The following PATL2 variants were observed in gnomAD, a reference collection of about 807,000 sequenced individuals.
PATL2 encodes the protein PAT1 homolog 2.
A neutral mutation model predicts 77.0 loss-of-function variants in PATL2; 73 were observed. The ratio of observed to expected loss-of-function variants is 0.95; its 90% CI spans 0.78 to 1.15. The LOEUF (loss-of-function observed/expected upper bound fraction) is 1.15. Among genes scored for constraint, PATL2 ranks in the 50% most tolerant of loss-of-function variants. The pLI is 0.00. For synonymous variants in PATL2, 265 were observed against 257.1 expected, an observed-to-expected ratio of 1.03 and a Z score of -0.29; for missense variants, 618 against 655.4, an observed-to-expected ratio of 0.94 and a Z score of 0.62.
intron 9 of PATL2, among the ~76,000 whole-genome samples, chr15:44,671,488 C>CAAA (rs571777244): frequency 9.3e-6 from 1 of 106,990 alleles, no homozygotes; most frequent in Admixed American, 1.0e-4. Flanking sequence ...GACTCTGTCT[C>CAAA]AAAAAAAAAA....
intron 3 of PATL2, among the ~76,000 whole-genome samples, chr15:44,683,273 A>T (rs1391994568): frequency 6.6e-6 from 1 of 152,058 alleles, no homozygotes; most frequent in Non-Finnish European, 1.5e-5. Context: ...TGCTGAAGCC[A>T]GGGAGCCAAG....
chr15:44,690,291 A>T (rs1048708751), intron 3 of PATL2, among the ~76,000 whole-genome samples: 2 of 152,204 alleles, frequency 1.3e-5, no homozygotes, highest in Non-Finnish European at 2.9e-5. Context: ...CTACAAAAAA[A>T]TTTAAGATTG....
At chr15:44,670,162 T>C in intron 9 of PATL2, 75 bp from the exon 10 acceptor site, 1 of 1,519,766 alleles carries the variant, frequency 6.6e-7, no homozygotes. Flanking sequence ...ATTAAGTTTC[T>C]CAAGTGCAGC....
At chr15:44,696,397 G>T (rs2086503131) in intron 3 of PATL2, among the ~76,000 whole-genome samples, 1 of 152,170 alleles carries the variant, frequency 6.6e-6, no homozygotes. Flanking sequence ...TTATAATTAA[G>T]GATGAATAAT....
At chr15:44,672,214 G>T (rs1424336414) in intron 8 of PATL2, 58 bp from the exon 9 acceptor site, 2 of 1,550,872 alleles carry the variant, frequency 1.3e-6, no homozygotes, top group Non-Finnish European at 1.7e-6. Flanking sequence ...TTCCTAAGGA[G>T]TGTGGTGAGC....
chr15:44,696,964 T>C (rs374483302), intron 3 of PATL2, among the ~76,000 whole-genome samples: 10 of 152,326 alleles, frequency 6.6e-5, no homozygotes, highest in African/African-American at 2.2e-4. Flanking sequence ...AACCAAAATT[T>C]GCTGAATTTA....
chr15:44,666,398 C>T lies in PATL2; in HGVS notation c.1607G>A (p.Arg536Lys), dbSNP rs1160702699. 22 of 1,551,562 alleles carry T rather than the reference C, an allele frequency of 1.4e-5. No individual in the cohort carries two copies. The highest frequency in any genetic ancestry group is 5.2e-6 in the Non-Finnish European group (6 of 1,146,994). Residue 536 changes from arginine to lysine, a missense_variant, in exon 17 of 18, where the codon AGG becomes AAG. Coordinates refer to ENST00000682850, the MANE Select transcript of PATL2 (RefSeq NM_001387263.1). Reference protein sequence around the residue: ...DKQLVQQLEARMEFAWIY With the variant: ...DKQLVQQLEAKMEFAWIY ...TGTTTCTGCCATTACTTACTCCATC[C>T]TGGCCTCCAGCTGCTGAACCAATTG...
At chr15:44,706,524 A>G (rs752083461) in intron 3 of PATL2, among the ~76,000 whole-genome samples, 1 of 152,236 alleles carries the variant, frequency 6.6e-6, no homozygotes, top group East Asian at 1.9e-4. Flanking sequence ...AGGCACTGCC[A>G]TGGTGGTCTT....
In PATL2 at chr15:44,669,383, C is replaced by A; in HGVS notation, c.961G>T (p.Gly321Cys). Reference protein sequence around the residue: ...MFLQLLEIEEGWKYRPPPPCF... With the variant: ...MFLQLLEIEECWKYRPPPPCF... Reference sequence around the variant, plus strand: ...GGCGGTGGAGGCCTATACTTCCAGCCTTCCTCTATTTCTAGTAACTGAAGG... The same window carrying A: ...GGCGGTGGAGGCCTATACTTCCAGCATTCCTCTATTTCTAGTAACTGAAGG... The change falls in exon 13 of 18, where the codon GGC (glycine) becomes TGC (cysteine). Residue 321 changes from glycine (G) to cysteine (C), a missense_variant. Gly to Cys is a radical substitution (Grantham distance 159). Coordinates refer to ENST00000682850, the MANE Select transcript of PATL2 (RefSeq NM_001387263.1). 1 of 1,551,494 alleles carries A rather than the reference C, an allele frequency of 6.4e-7. No homozygotes were observed. The highest frequency in any genetic ancestry group is 8.7e-7 in the Non-Finnish European group (1 of 1,146,816).
In PATL2 at chr15:44,673,242, TAGGGGGCCACGA is replaced by T. The variant is rs1566854051; in HGVS notation, c.427_438del (p.Ser143_Pro146del). The T allele has an allele frequency of 6.4e-7, 1 of 1,551,322 alleles. No individual in the cohort carries two copies. Among genetic ancestry groups the T allele is most frequent in the Middle Eastern group, 1.7e-4 (1 of 5,870 alleles). ...AGAACCTCAAACCAGTACCTGAACC[TAGGGGGCCACGA>T]GGTCAGCAGGCTGCAGAAGAGAGTT... is the stretch of plus-strand genomic sequence containing the variant. On this transcript the variant is annotated inframe_deletion, in exon 7 of 18. Transcript: ENST00000682850.
At chr15:44,703,499 T>C (rs1055187872) in intron 3 of PATL2, among the ~76,000 whole-genome samples, 19 of 152,024 alleles carry the variant, frequency 1.2e-4, no homozygotes, top group African/African-American at 4.6e-4. Flanking sequence ...ACAATTGTTA[T>C]ATACTCTGGC....
chr15:44,671,477 A>G (rs1158085458), intron 9 of PATL2, among the ~76,000 whole-genome samples: 1 of 151,466 alleles, frequency 6.6e-6, no homozygotes, highest in African/African-American at 2.4e-5. Flanking sequence ...TGACAGAGGG[A>G]GACTCTGTCT....
At chr15:44,672,501 G>C in intron 7 of PATL2, 45 bp from the exon 8 acceptor site, 1 of 1,505,100 alleles carries the variant, frequency 6.6e-7, no homozygotes, top group Non-Finnish European at 9.0e-7. Context: ...GAAGCTCTCA[G>C]TTCTCTGCCC....
rs1358336463 is a variant in PATL2 at position 44,665,797 on chromosome 15, A to G, written c.*156T>C. The stretch of plus-strand genomic sequence containing the variant: ...TCTTATTTTTAGGCACATCATTTAG[A>G]TTTTTGAAGAAAGGATATGAAAATG... On this transcript the variant is annotated 3_prime_UTR_variant, in exon 18 of 18. Transcript: ENST00000682850. 1.9e-5 allele frequency: 29 copies of G among 1,512,356 alleles called. No homozygotes were observed. In the East Asian group the frequency reaches 6.7e-4, roughly 35 times the overall value. The allele number at this position is 1,512,356 out of a possible 1,614,324, so 93.7% of individuals were successfully genotyped here.
At chr15:44,675,867 C>G (rs1011236013) in intron 4 of PATL2, 176 bp from the exon 5 acceptor site, 2 of 596,100 alleles carry the variant, frequency 3.4e-6, no homozygotes, top group East Asian at 2.9e-5. Flanking sequence ...CAAGGTGCCC[C>G]GAACCATCCC....
chr15:44,672,904 C>T (rs146256580), intron 7 of PATL2, among the ~76,000 whole-genome samples: 22 of 152,186 alleles, frequency 1.4e-4, no homozygotes, highest in Non-Finnish European at 2.1e-4. Context: ...GGATTACAGG[C>T]GCTCGCCACC....
At chr15:44,694,565 G>A (rs535928902) in intron 3 of PATL2, among the ~76,000 whole-genome samples, 10 of 152,094 alleles carry the variant, frequency 6.6e-5, no homozygotes, top group South Asian at 4.1e-4. Context: ...GGCATGAGAC[G>A]ACAAACCCTG....
chr15:44,667,669 G>A (rs1703128227), intron 15 of PATL2, among the ~76,000 whole-genome samples: 1 of 152,172 alleles, frequency 6.6e-6, no homozygotes, highest in African/African-American at 2.4e-5. Context: ...TTGGCTGGGC[G>A]CAGTGGCTCA....
intron 3 of PATL2, among the ~76,000 whole-genome samples, chr15:44,691,588 G>T (rs996570462): frequency 8.6e-5 from 13 of 151,808 alleles, no homozygotes; most frequent in African/African-American, 3.1e-4. Context: ...AACTCAGGAG[G>T]TGGAGGTTGC....
Sources: allele counts gnomAD v4.1 joint callset (sites outside exome capture counted in the v4.1 genomes callset), GRCh38; gene constraint gnomAD v4.1.1; transcripts MANE v1.5; gene names NCBI Gene and HGNC (gene_info 2026-07-23, HGNC 2026-07-21).